Variants in POLR1A observed in about 807,000 individuals in gnomAD.
POLR1A encodes the protein DNA-directed RNA polymerase I subunit RPA1.
A neutral mutation model predicts 205.3 loss-of-function variants in POLR1A; 84 were observed. The observed-to-expected ratio is 0.41, with a 90% CI of 0.34 to 0.49. POLR1A has a LOEUF of 0.49. POLR1A is among the 20% of genes least tolerant of loss of function. The pLI, the probability that POLR1A is intolerant of heterozygous loss-of-function variation, is 0.22. For missense variants in POLR1A, 1,645 were observed against 2,204.5 expected (o/e 0.75, Z 5.08); for synonymous variants, 799 against 863.7 (o/e 0.93, Z 1.31).
intron 14 of POLR1A, among the ~76,000 whole-genome samples, chr2:86,056,693 A>T (rs1672904760): frequency 6.6e-6 from 1 of 152,168 alleles, no homozygotes; most frequent in African/African-American, 2.4e-5. Flanking sequence ...AAACCAGTGA[A>T]CATTTACCAT....
At chr2:86,094,425 A>C (rs10176454) in intron 3 of POLR1A, among the ~76,000 whole-genome samples, 110,986 of 152,158 alleles carry the variant, frequency 0.73, 42,661 homozygotes, top group Non-Finnish European at 0.85. Context: ...GGACATGTCC[A>C]ATCGTTCTTT....
At chr2:86,060,787 G>C (rs1453377399) in intron 14 of POLR1A, among the ~76,000 whole-genome samples, 1 of 152,150 alleles carries the variant, frequency 6.6e-6, no homozygotes, top group Non-Finnish European at 1.5e-5. Context: ...CAGGCAAAGA[G>C]CTCCTACAGG....
chr2:86,028,659 G>A lies in POLR1A; in HGVS notation c.4832C>T (p.Thr1611Met), dbSNP rs778229105. 68 of 1,614,030 alleles carry A rather than the reference G, an allele frequency of 4.2e-5. No homozygotes were observed. The highest frequency in any genetic ancestry group is 5.6e-5 in the Non-Finnish European group (66 of 1,179,984). Residue 1611 changes from threonine to methionine, a missense_variant, in exon 32 of 34, where the codon ACG (threonine) becomes ATG (methionine). Coordinates refer to ENST00000263857, the MANE Select transcript of POLR1A (RefSeq NM_015425.6). This position sits in a 1 kb window ranked among gnomAD's most constrained non-coding sequence, Gnocchi z 4.5. ...CCGCAGCGCGGCCTCAATGCCATAC[G>A]TGTTGGCTATGGCGTGGATGTCGTT... ...YSNDIHAIAN[T>M]YGIEAALRVI... is the part of the protein sequence containing the mutation.
chr2:86,088,847 C>T lies in POLR1A; in HGVS notation c.564G>A (p.Lys188=). The T allele has an allele frequency of 6.2e-7, 1 of 1,613,466 alleles. No homozygotes were observed. The highest frequency in any genetic ancestry group is 8.5e-7 in the Non-Finnish European group (1 of 1,179,474). The change falls in exon 5 of 34, where the codon AAG becomes AAA. Residue 188 remains lysine, a synonymous_variant. Transcript: ENST00000263857. The part of the protein sequence containing the change: ...GAHVKNVCES[K]SKLIALFWKA... ...TCCAGAAGAGAGCAATGAGCTTGCTCTTGCTCTCACACACGTTCTTTACCT... is the reference window on the plus strand; with the variant it reads ...TCCAGAAGAGAGCAATGAGCTTGCTTTTGCTCTCACACACGTTCTTTACCT...
chr2:86,098,596 C>T lies in POLR1A; in HGVS notation c.432+15G>A, dbSNP rs780020747. On this transcript the variant is annotated intron_variant, in intron 3 of 33. Coordinates refer to ENST00000263857, the MANE Select transcript of POLR1A (RefSeq NM_015425.6). ...TTGCCTTTTCTGATTTCTGTGACCA[C>T]CACTACCCACCTACCCTGTTCAGAA... 2.3e-5 allele frequency: 37 copies of T among 1,611,704 alleles called. No homozygotes were observed. The highest frequency in any genetic ancestry group is 3.1e-5 in the Non-Finnish European group (36 of 1,179,330).
chr2:86,069,885 G>A (rs778037469), intron 13 of POLR1A, 133 bp downstream of exon 13: 5 of 942,920 alleles, frequency 5.3e-6, no homozygotes, highest in Non-Finnish European at 7.6e-6. Flanking sequence ...CCACCTGGGA[G>A]AAACCAGGAC....
rs1408146498 is a variant in POLR1A, at chr2:86,024,167, G to C, written c.*3256C>G. 1 of 172,762 alleles carries C rather than the reference G, an allele frequency of 5.8e-6. No individual in the cohort carries two copies. The highest frequency in any genetic ancestry group is 2.4e-5 in the African/African-American group (1 of 42,312). The allele number at this position is 172,762 out of a possible 1,614,324, so 10.7% of individuals were successfully genotyped here. A position where few individuals can be genotyped will look rare whatever the true frequency, so the allele number is the denominator to read the frequency against. On this transcript the variant is annotated 3_prime_UTR_variant, in exon 34 of 34. Coordinates refer to ENST00000263857, the MANE Select transcript of POLR1A (RefSeq NM_015425.6). ...AAATACGGTATATACACATGAGGAG[G>C]TATCAGCAGCCTCAAGCAAGAAGGC...
At chr2:86,055,294 C>CAAAAAAA (rs1265267243) in intron 14 of POLR1A, among the ~76,000 whole-genome samples, 3 of 150,872 alleles carry the variant, frequency 2.0e-5, no homozygotes, top group East Asian at 2.0e-4. Flanking sequence ...AACTCTGTCT[C>CAAAAAAA]AAGAAAAAAA....
At chr2:86,056,327 C>T (rs534313342) in intron 14 of POLR1A, among the ~76,000 whole-genome samples, 70 of 151,998 alleles carry the variant, frequency 4.6e-4, no homozygotes, top group African/African-American at 1.6e-3. Flanking sequence ...TGGCGGGTGC[C>T]TGTTATCCCA....
At chr2:86,094,465 A>G (rs1052509361) in intron 3 of POLR1A, among the ~76,000 whole-genome samples, 3 of 152,168 alleles carry the variant, frequency 2.0e-5, no homozygotes, top group Non-Finnish European at 4.4e-5. Flanking sequence ...GGCATGTGAC[A>G]TTCCAGGCTG....
At position 86,047,120 on chromosome 2, in the gene POLR1A, C is replaced by T. The variant is rs1388058087; in HGVS notation, c.2733+45G>A. ...ACCACCTCCTGCTATCCCCCACCTG[C>T]CTTTGCTGACACCTGTAAAGCTGCC... On this transcript the variant is annotated intron_variant, in intron 19 of 33. Transcript: ENST00000263857. 2.3e-6 allele frequency: 3 copies of T among 1,324,498 alleles called. No homozygotes were observed. In the Admixed American group the frequency reaches 5.1e-5, roughly 22 times the overall value. 82.0% of individuals were successfully genotyped at this position (1,324,498 alleles called of 1,614,324 possible).
At chr2:86,047,337 GGAAGCA>G in intron 18 of POLR1A, 74 bp from the exon 19 acceptor site, 1 of 1,014,220 alleles carries the variant, frequency 9.9e-7, no homozygotes, top group Non-Finnish European at 1.5e-6. Context: ...TGTAAATCCA[GGAAGCA>G]GAAGCAATAC....
At chr2:86,102,378 T>A (rs1358109846) in intron 1 of POLR1A, among the ~76,000 whole-genome samples, 1 of 152,248 alleles carries the variant, frequency 6.6e-6, no homozygotes, top group Non-Finnish European at 1.5e-5. Flanking sequence ...AAATTGGTGA[T>A]GTTCAACATC....
At chr2:86,089,650 C>T (rs1188707580) in intron 4 of POLR1A, among the ~76,000 whole-genome samples, 172 bp downstream of exon 4, 1 of 152,198 alleles carries the variant, frequency 6.6e-6, no homozygotes, top group African/African-American at 2.4e-5. Context: ...AGATAGTGGA[C>T]ACTCAGGGAC....
At chr2:86,076,061 G>A (rs1000396950) in intron 11 of POLR1A, among the ~76,000 whole-genome samples, 2 of 152,300 alleles carry the variant, frequency 1.3e-5, no homozygotes, top group Admixed American at 6.5e-5. Context: ...AGATGAAACT[G>A]ACGCATTCCT....
At chr2:86,030,500 G>A (rs1672366372) in intron 30 of POLR1A, 104 bp from the exon 31 acceptor site, 2 of 808,724 alleles carry the variant, frequency 2.5e-6, no homozygotes, top group Non-Finnish European at 2.1e-6. Context: ...TCCCTGGCTG[G>A]GGGAAAGTGG....
chr2:86,057,535 T>C (rs1343470240), intron 14 of POLR1A, among the ~76,000 whole-genome samples: 2 of 152,224 alleles, frequency 1.3e-5, no homozygotes, highest in Non-Finnish European at 2.9e-5. Context: ...GGTTTATTTG[T>C]AGTATCCAAA....
Position 86,028,532 on chromosome 2 carries a change from G to C in POLR1A, c.4897+62C>G, listed in dbSNP as rs537596117. On this transcript the variant is annotated intron_variant, in intron 32 of 33. Coordinates refer to ENST00000263857, the MANE Select transcript of POLR1A (RefSeq NM_015425.6). The surrounding 1 kb of genome is among the most constrained non-coding windows in gnomAD (Gnocchi z 4.5). ...CCGACACGGTCCTGACCCTCCTGCCGAGCCTTCTGGTGTCCTGGCTGGTGC... is the reference window on the plus strand; with the variant it reads ...CCGACACGGTCCTGACCCTCCTGCCCAGCCTTCTGGTGTCCTGGCTGGTGC... 1.2e-4 allele frequency: 146 copies of C among 1,205,072 alleles called. 2 individuals are homozygous for C. The South Asian group carries it at 1.7e-3, about 14-fold the overall frequency. 74.6% of individuals were successfully genotyped at this position (1,205,072 alleles called of 1,614,324 possible).
At chr2:86,066,319 C>T (rs1033023535) in intron 13 of POLR1A, among the ~76,000 whole-genome samples, 22 of 152,128 alleles carry the variant, frequency 1.4e-4, no homozygotes, top group African/African-American at 5.3e-4. Context: ...TTAATAAAGG[C>T]TGTTATCTAC....
Sources: gnomAD v4.1 joint callset for allele counts (sites outside exome capture counted in the v4.1 genomes callset) on GRCh38, gnomAD v4.1.1 for gene constraint, Gnocchi (gnomAD v3.1) non-coding constraint, MANE v1.5 for transcripts, NCBI Gene and HGNC (gene_info 2026-07-23, HGNC 2026-07-21) for gene names.